Variants in HIPK3 observed in about 807,000 individuals in gnomAD.
HIPK3 encodes the protein homeodomain interacting protein kinase 3, also known as homeodomain-interacting protein kinase 3.
A neutral mutation model predicts 124.2 loss-of-function variants in HIPK3; 47 were observed. The observed-to-expected ratio is 0.38, with a 90% CI of 0.30 to 0.48. The LOEUF (loss-of-function observed/expected upper bound fraction) is 0.48, where lower values mean the gene tolerates loss of function less well. Ranked by LOEUF, HIPK3 falls within the 20% of genes least tolerant of loss-of-function variation. The pLI is 0.98. For missense variants in HIPK3, 1,286 were observed against 1,454.3 expected (o/e 0.88, Z 1.88); for synonymous variants, 482 against 515.2 (o/e 0.94, Z 0.87).
intron 1 of HIPK3, among the ~76,000 whole-genome samples, chr11:33,266,018 A>G (rs1374623368): frequency 1.4e-5 from 2 of 141,234 alleles, no homozygotes; most frequent in African/African-American, 2.6e-5. Context: ...CGGGAGGTGG[A>G]GTTTGCAGTG....
chr11:33,264,449 T>C (rs1218410657), intron 1 of HIPK3, among the ~76,000 whole-genome samples: 2 of 150,818 alleles, frequency 1.3e-5, no homozygotes, highest in Non-Finnish European at 3.0e-5. Context: ...GATCAGAAAC[T>C]TTTCCATTTC....
intron 8 of HIPK3, among the ~76,000 whole-genome samples, chr11:33,343,514 A>G (rs1853404734): frequency 6.6e-6 from 1 of 152,110 alleles, no homozygotes; most frequent in African/African-American, 2.4e-5. Context: ...TCCTGACCTC[A>G]AGTGATCTGC....
Position 33,347,725 on chromosome 11 carries a change from G to T in HIPK3, c.2116G>T (p.Ala706Ser). The change falls in exon 10 of 17, where the codon GCT (alanine) becomes TCT (serine). Residue 706 changes from alanine to serine, a missense_variant. Around this residue, in one of 3 missense-constraint regions of HIPK3, gnomAD observed 810 missense variants for 864.9 expected, o/e 0.94. Transcript: ENST00000303296. ...ATTTLTSESV[A>S]GSHRLGDWGK... is the part of the protein sequence containing the mutation. ...TACTACACTAACTTCTGAGAGTGTG[G>T]CTGGTTCACACAGGCTTGGAGACTG... 1.9e-6 allele frequency: 3 copies of T among 1,614,172 alleles called. No homozygotes were observed. Among genetic ancestry groups the T allele is most frequent in the Non-Finnish European group, 2.5e-6 (3 of 1,180,010 alleles).
intron 1 of HIPK3, among the ~76,000 whole-genome samples, chr11:33,272,567 C>T (rs963671208): frequency 3.3e-5 from 5 of 152,246 alleles, no homozygotes; most frequent in Admixed American, 1.3e-4. Context: ...TCACCTTCCT[C>T]AAAGTTGTCA....
At chr11:33,337,676 C>T (rs1853197053) in intron 4 of HIPK3, among the ~76,000 whole-genome samples, 1 of 148,944 alleles carries the variant, frequency 6.7e-6, no homozygotes, top group African/African-American at 2.5e-5. Context: ...CTCTCTCTTT[C>T]TCTTTTTCTT....
In HIPK3 at chr11:33,348,199, A is replaced by G; in HGVS notation, c.2340A>G (p.Pro780=). The G allele has an allele frequency of 6.2e-7, 1 of 1,613,998 alleles. No individual in the cohort carries two copies. The highest frequency in any genetic ancestry group is 8.5e-7 in the Non-Finnish European group (1 of 1,179,910). Residue 780 remains proline (P), a synonymous_variant, in exon 12 of 17, where the codon CCA becomes CCG. Coordinates refer to ENST00000303296, the MANE Select transcript of HIPK3 (RefSeq NM_005734.5). ...GILVKLMEWE[P]GREEINAFSW... is the part of the protein sequence containing the mutation. ...TGGTAAAACTAATGGAATGGGAGCC[A>G]GGAAGAGAGGAAATAAATGCTTTCA... is the stretch of plus-strand genomic sequence containing the variant.
chr11:33,284,615 G>A (rs1258076762), intron 1 of HIPK3, among the ~76,000 whole-genome samples: 2 of 152,176 alleles, frequency 1.3e-5, no homozygotes, highest in East Asian at 3.9e-4. Flanking sequence ...CTATGATTGT[G>A]CCACTGCACT....
chr11:33,322,784 C>T (rs573280238), intron 2 of HIPK3, among the ~76,000 whole-genome samples: 7 of 152,324 alleles, frequency 4.6e-5, no homozygotes, highest in Admixed American at 6.5e-5. Flanking sequence ...CAAGGCTGCG[C>T]CACTGCACTC....
At chr11:33,301,137 T>A (rs1158999053) in intron 2 of HIPK3, among the ~76,000 whole-genome samples, 3 of 152,192 alleles carry the variant, frequency 2.0e-5, no homozygotes, top group African/African-American at 7.2e-5. Flanking sequence ...ACCAAGAAAC[T>A]GACTCTCATT....
intron 2 of HIPK3, among the ~76,000 whole-genome samples, chr11:33,304,384 C>T (rs996092401): frequency 6.6e-6 from 1 of 151,914 alleles, no homozygotes; most frequent in African/African-American, 2.4e-5. Context: ...ATGGAGAAAC[C>T]CCGTCTCTAC....
intron 2 of HIPK3, among the ~76,000 whole-genome samples, chr11:33,325,735 A>C (rs779733840): frequency 6.6e-6 from 1 of 152,230 alleles, no homozygotes; most frequent in Non-Finnish European, 1.5e-5. Context: ...AGGTACACAA[A>C]TAATGAACAA....
chr11:33,305,450 G>T (rs1420403526), intron 2 of HIPK3, among the ~76,000 whole-genome samples: 1 of 152,162 alleles, frequency 6.6e-6, no homozygotes, highest in African/African-American at 2.4e-5. Context: ...GATATTTACT[G>T]ACTGCTTAGG....
intron 2 of HIPK3, among the ~76,000 whole-genome samples, chr11:33,323,509 C>T (rs976650165): frequency 2.0e-5 from 3 of 152,184 alleles, no homozygotes; most frequent in South Asian, 4.1e-4. Flanking sequence ...TCCAAAAGTG[C>T]TGGGATTACA....
At chr11:33,279,495 T>C (rs1157691730) in intron 1 of HIPK3, among the ~76,000 whole-genome samples, 2 of 152,094 alleles carry the variant, frequency 1.3e-5, no homozygotes, top group East Asian at 1.9e-4. Flanking sequence ...TGGGCTAATA[T>C]TATGTGTAGT....
intron 2 of HIPK3, among the ~76,000 whole-genome samples, chr11:33,312,829 T>C (rs1014596312): frequency 2.0e-5 from 3 of 152,324 alleles, no homozygotes; most frequent in Non-Finnish European, 2.9e-5. Context: ...CTTGGTTTTA[T>C]TGTCACAATA....
chr11:33,268,034 A>C (rs780410499), intron 1 of HIPK3, among the ~76,000 whole-genome samples: 2 of 151,736 alleles, frequency 1.3e-5, no homozygotes, highest in Non-Finnish European at 2.9e-5. Flanking sequence ...AACATGGTGA[A>C]ACCCCATCTC....
chr11:33,336,720 CT>C (rs1853160060), intron 3 of HIPK3, among the ~76,000 whole-genome samples: 1 of 152,138 alleles, frequency 6.6e-6, no homozygotes, highest in Non-Finnish European at 1.5e-5. Context: ...TGAGGTTATT[CT>C]CTCTTGATTT....
At chr11:33,330,031 C>T (rs1852926711) in intron 3 of HIPK3, among the ~76,000 whole-genome samples, 1 of 152,112 alleles carries the variant, frequency 6.6e-6, no homozygotes, top group Non-Finnish European at 1.5e-5. Flanking sequence ...CAGAGATTAC[C>T]CAGTAACTGC....
chr11:33,313,971 T>C (rs1852421918), intron 2 of HIPK3, among the ~76,000 whole-genome samples: 1 of 152,098 alleles, frequency 6.6e-6, no homozygotes, highest in South Asian at 2.1e-4. Flanking sequence ...GCTTCCCAAG[T>C]AGCTGGGACT....
Sources: allele counts gnomAD v4.1 joint callset (sites outside exome capture counted in the v4.1 genomes callset), GRCh38; gene constraint gnomAD v4.1.1; regional missense constraint gnomAD v4.1.1; transcripts MANE v1.5; gene names NCBI Gene and HGNC (gene_info 2026-07-23, HGNC 2026-07-21).